SEC14L2: variants seen among roughly 807,000 people sequenced by gnomAD.
SEC14L2 encodes SEC14 like lipid binding 2.
A neutral mutation model predicts 56.9 loss-of-function variants in SEC14L2; 50 were observed. The ratio of observed to expected loss-of-function variants is 0.88; its 90% CI spans 0.70 to 1.11. SEC14L2 has a LOEUF of 1.11. Among genes scored for constraint, SEC14L2 ranks in the 50% most tolerant of loss-of-function variants. SEC14L2 has a pLI of 0.00. For missense variants in SEC14L2, 414 were observed against 500.7 expected (o/e 0.83, Z 1.65); for synonymous variants, 179 against 188.5 (o/e 0.95, Z 0.41).
intron 1 of SEC14L2, 124 bp from the exon 2 acceptor site, chr22:30,399,513 CAAAAAA>C (rs60817387): frequency 5.3e-3 from 1,283 of 241,760 alleles, no homozygotes; most frequent in South Asian, 0.015. Context: ...GACTCTATCT[CAAAAAA>C]AAAAAAAAAA....
chr22:30,415,967 T>A lies in SEC14L2; in HGVS notation c.791T>A (p.Ile264Asn). The change falls in exon 10 of 12, where the codon ATC becomes AAC. Residue 264 changes from isoleucine to asparagine, a missense_variant. Transcript: ENST00000615189. ...CKSKINYGGD[I>N]PRKYYVRDQV... ...TTCTAGATCAACTACGGGGGTGACA[T>A]CCCCAGGAAGTATTATGTGCGAGAC... is the stretch of plus-strand genomic sequence containing the variant. 6 of 1,614,130 alleles carry A rather than the reference T, an allele frequency of 3.7e-6. No individual in the cohort carries two copies. The highest frequency in any genetic ancestry group is 5.1e-6 in the Non-Finnish European group (6 of 1,180,004).
At chr22:30,414,414 G>A (rs1934332579) in intron 8 of SEC14L2, among the ~76,000 whole-genome samples, 9 of 152,160 alleles carry the variant, frequency 5.9e-5, no homozygotes. Flanking sequence ...ATTTTCAACA[G>A]AGGGGGGAGA....
chr22:30,397,254 G>A, intron 1 of SEC14L2, 84 bp downstream of exon 1: 1 of 1,220,786 alleles, frequency 8.2e-7, no homozygotes, highest in Non-Finnish European at 1.1e-6. Context: ...GGGGCTGGGT[G>A]GGGGCCGAGG....
intron 11 of SEC14L2, chr22:30,421,102 C>CCCTGCGCGAGG (rs1934503655): frequency 6.6e-6 from 1 of 152,062 alleles, no homozygotes; most frequent in African/African-American, 2.4e-5. Context: ...TTAGCATGGC[C>CCCTGCGCGAGG]CCTGCGCGAG....
intron 1 of SEC14L2, 137 bp from the exon 2 acceptor site, chr22:30,399,504 ACT>A (rs1933859087): frequency 4.6e-6 from 2 of 430,876 alleles, no homozygotes; most frequent in East Asian, 3.8e-5. Flanking sequence ...AGAGTGCGAG[ACT>A]CTATCTCAAA....
Position 30,423,975 on chromosome 22 carries a change from C to A in SEC14L2, c.*1568C>A, listed in dbSNP as rs548224783. The A allele has an allele frequency of 6.6e-6, 1 of 152,424 alleles. No individual in the cohort carries two copies. The highest frequency in any genetic ancestry group is 2.1e-4 in the South Asian group (1 of 4,842). The allele number at this position is 152,424 out of a possible 1,614,324, so 9.4% of individuals were successfully genotyped here. On this transcript the variant is annotated 3_prime_UTR_variant, in exon 12 of 12. Coordinates refer to ENST00000615189, the MANE Select transcript of SEC14L2 (RefSeq NM_012429.5). Reference sequence around the variant, plus strand: ...GATAGGGCGCATGCGCAGAAATCCTCCTCGGCTCTCTAGCGTGAGCTTTCC... The same window carrying A: ...GATAGGGCGCATGCGCAGAAATCCTACTCGGCTCTCTAGCGTGAGCTTTCC...
intron 2 of SEC14L2, among the ~76,000 whole-genome samples, chr22:30,404,973 G>A (rs1400242663): frequency 2.6e-5 from 4 of 152,112 alleles, no homozygotes; most frequent in African/African-American, 4.8e-5. Context: ...AGGAGGCTGA[G>A]GCAGGAGAAT....
chr22:30,414,603 G>A (rs1056059008), intron 8 of SEC14L2, among the ~76,000 whole-genome samples: 1 of 152,176 alleles, frequency 6.6e-6, no homozygotes, highest in Admixed American at 6.6e-5. Context: ...CCAGGGCCTG[G>A]AGCTGCTGCC....
chr22:30,417,928 G>C (rs1280138337), intron 11 of SEC14L2, among the ~76,000 whole-genome samples: 2 of 152,022 alleles, frequency 1.3e-5, no homozygotes, highest in African/African-American at 2.4e-5. Flanking sequence ...ATAGCTCCTG[G>C]GGGAGGCGGA....
At chr22:30,399,803 C>A (rs975001012) in intron 2 of SEC14L2, 85 bp downstream of exon 2, 2 of 1,204,290 alleles carry the variant, frequency 1.7e-6, no homozygotes, top group African/African-American at 1.5e-5. Flanking sequence ...CTGCCCTTGG[C>A]AATTGAGGCA....
intron 2 of SEC14L2, among the ~76,000 whole-genome samples, chr22:30,400,651 T>C (rs1317301722): frequency 6.6e-6 from 1 of 151,844 alleles, no homozygotes; most frequent in Non-Finnish European, 1.5e-5. Flanking sequence ...TCCCAGCAGT[T>C]TGGGAGGCTA....
chr22:30,410,760 C>A, intron 8 of SEC14L2, 81 bp downstream of exon 8: 3 of 1,342,630 alleles, frequency 2.2e-6, no homozygotes, highest in Non-Finnish European at 3.2e-6. Context: ...GTGGCCGTAG[C>A]CACCAGGGTG....
intron 4 of SEC14L2, 25 bp from the exon 5 acceptor site, chr22:30,407,390 G>T: frequency 6.2e-7 from 1 of 1,607,856 alleles, no homozygotes; most frequent in Non-Finnish European, 8.5e-7. Flanking sequence ...TGCTGACCAG[G>T]TGGCTCCTCT....
chr22:30,405,702 G>T (rs548974203), intron 2 of SEC14L2, among the ~76,000 whole-genome samples: 2 of 152,168 alleles, frequency 1.3e-5, no homozygotes, highest in East Asian at 3.9e-4. Flanking sequence ...CTTGGGATGG[G>T]ATCTCGCTGT....
At position 30,423,420 on chromosome 22, in the gene SEC14L2, G is replaced by A. The variant is rs1934574486; in HGVS notation, c.*1013G>A. 6.5e-6 allele frequency: 1 copy of A among 152,748 alleles called. No individual in the cohort carries two copies. The highest frequency in any genetic ancestry group is 2.4e-5 in the African/African-American group (1 of 41,484). 9.5% of individuals were successfully genotyped at this position (152,748 alleles called of 1,614,324 possible). On this transcript the variant is annotated 3_prime_UTR_variant, in exon 12 of 12. Coordinates refer to ENST00000615189, the MANE Select transcript of SEC14L2 (RefSeq NM_012429.5). ...TGTGGGAGGCATGCAACGCGTGCAG[G>A]GAGTTCAGGTGCCGGTCGGCGTAGC...
intron 2 of SEC14L2, among the ~76,000 whole-genome samples, chr22:30,400,660 T>G (rs1201065168): frequency 6.6e-6 from 1 of 151,830 alleles, no homozygotes; most frequent in Non-Finnish European, 1.5e-5. Flanking sequence ...TTTGGGAGGC[T>G]AGGCGGGCAG....
chr22:30,418,302 C>T (rs1934436764), intron 11 of SEC14L2, among the ~76,000 whole-genome samples: 1 of 152,098 alleles, frequency 6.6e-6, no homozygotes, highest in South Asian at 2.1e-4. Context: ...GACATCAAGA[C>T]AGAAGACATC....
chr22:30,399,779 A>C, intron 2 of SEC14L2, 61 bp downstream of exon 2: 1 of 1,461,566 alleles, frequency 6.8e-7, no homozygotes, highest in Non-Finnish European at 9.4e-7. Flanking sequence ...ACAGAATAGC[A>C]CCCTCTGAAA....
In SEC14L2 at chr22:30,408,534, G is replaced by A. The variant is rs147790803; in HGVS notation, c.424-653G>A. On this transcript the variant is annotated intron_variant, in intron 5 of 11. Transcript: ENST00000615189. The stretch of plus-strand genomic sequence containing the variant: ...TGGGAAGTCGAGGCTGCAGTGAGCC[G>A]TGATCGCACCACTGCACTCCAGCTT... Among the ~76,000 whole-genome samples the A allele has an allele frequency of 2.1e-3, 313 of 152,014 alleles. 3 individuals are homozygous for A. The highest frequency in any genetic ancestry group is 7.1e-3 in the African/African-American group (293 of 41,470).
Sources: gnomAD v4.1 joint callset for allele counts (sites outside exome capture counted in the v4.1 genomes callset) on GRCh38, gnomAD v4.1.1 for gene constraint, MANE v1.5 for transcripts, NCBI Gene and HGNC (gene_info 2026-07-23, HGNC 2026-07-21) for gene names.